Variants in NEK10 observed in about 807,000 individuals in gnomAD.
The protein encoded by NEK10 is serine/threonine-protein kinase Nek10.
NEK10 carries 122 observed loss-of-function variants against 159.8 expected under a neutral mutation model. The observed-to-expected ratio is 0.76, with a 90% CI of 0.66 to 0.89. NEK10 has a LOEUF of 0.89. Ranked by LOEUF, NEK10 falls within the 40% of genes least tolerant of loss-of-function variation. The probability of loss-of-function intolerance (pLI) is 0.00; values close to 1 mark genes in which losing one functional copy is unlikely to be tolerated. For synonymous variants in NEK10, 466 were observed against 457.1 expected, an observed-to-expected ratio of 1.02 and a Z score of -0.25; for missense variants, 1,342 against 1,323.1, an observed-to-expected ratio of 1.01 and a Z score of -0.22.
intron 6 of NEK10, among the ~76,000 whole-genome samples, chr3:27,319,808 T>C (rs2045486535): frequency 6.6e-6 from 1 of 152,180 alleles, no homozygotes; most frequent in South Asian, 2.1e-4. Flanking sequence ...TGGGATGGCC[T>C]TGGGCTTTCC....
chr3:27,263,056 G>C (rs2040555047), intron 22 of NEK10, among the ~76,000 whole-genome samples: 1 of 152,242 alleles, frequency 6.6e-6, no homozygotes, highest in African/African-American at 2.4e-5. Flanking sequence ...TCAGCTGCAG[G>C]TCTGTTGGAG....
intron 25 of NEK10, 36 bp from the exon 26 acceptor site, chr3:27,192,278 A>C (rs1215157605): frequency 2.6e-6 from 4 of 1,520,184 alleles, no homozygotes; most frequent in Non-Finnish European, 3.6e-6. Context: ...CACTCTGGTC[A>C]ATGTTGGGAG....
At position 27,131,863 on chromosome 3, in the gene NEK10, T is replaced by C. The variant is rs1316036210; in HGVS notation, c.3081+17A>G. On this transcript the variant is annotated intron_variant, in intron 32 of 35. Coordinates refer to ENST00000691995, the MANE Select transcript of NEK10 (RefSeq NM_001394966.1). ...GGTTTTGTCAGCAAAAGAATTCCTA[T>C]ATATAGAATACCATACCTTTTTAAT... 6.5e-6 allele frequency: 9 copies of C among 1,377,556 alleles called. No homozygotes were observed. Among genetic ancestry groups the C allele is most frequent in the East Asian group, 2.3e-5 (1 of 43,600 alleles). The allele number at this position is 1,377,556 out of a possible 1,614,324, so 85.3% of individuals were successfully genotyped here. A position where few individuals can be genotyped will look rare whatever the true frequency, so the allele number is the denominator to read the frequency against.
chr3:27,346,307 G>A, intron 3 of NEK10, 91 bp from the exon 4 acceptor site: 9 of 1,372,586 alleles, frequency 6.6e-6, no homozygotes, highest in Non-Finnish European at 9.2e-6. Flanking sequence ...AAGAGACTGA[G>A]ATTTTTTCCA....
At chr3:27,177,418 G>A (rs11129267) in intron 26 of NEK10, among the ~76,000 whole-genome samples, 39,311 of 151,568 alleles carry the variant, frequency 0.26, 5,272 homozygotes, top group Middle Eastern at 0.38. Context: ...GGTGGTGGGC[G>A]CCTGTAGTCC....
intron 30 of NEK10, chr3:27,162,349 G>T (rs945146507): frequency 6.7e-7 from 1 of 1,481,550 alleles, no homozygotes; most frequent in South Asian, 1.4e-5. Context: ...AGAATTCTCC[G>T]CTCTTTGTAT....
At chr3:27,266,367 T>C (rs752371549) in intron 22 of NEK10, among the ~76,000 whole-genome samples, 1 of 152,082 alleles carries the variant, frequency 6.6e-6, no homozygotes, top group African/African-American at 2.4e-5. Context: ...TAAGATACAA[T>C]ATGTAGGTTG....
chr3:27,152,408 A>G (rs1944972179), intron 30 of NEK10, among the ~76,000 whole-genome samples: 1 of 152,208 alleles, frequency 6.6e-6, no homozygotes. Context: ...TCATATATGA[A>G]GGAAAGATAC....
chr3:27,291,836 G>T (rs1575611690), intron 16 of NEK10, among the ~76,000 whole-genome samples: 2 of 152,006 alleles, frequency 1.3e-5, no homozygotes, highest in East Asian at 3.9e-4. Context: ...TAGAGACGGG[G>T]TTTCACCATG....
At chr3:27,269,242 A>T (rs1294287241) in intron 22 of NEK10, among the ~76,000 whole-genome samples, 2 of 152,244 alleles carry the variant, frequency 1.3e-5, no homozygotes, top group African/African-American at 4.8e-5. Flanking sequence ...ATTGACATGG[A>T]GGCAGCAGGG....
chr3:27,236,962 T>A (rs751719981), intron 23 of NEK10, among the ~76,000 whole-genome samples: 1 of 152,076 alleles, frequency 6.6e-6, no homozygotes, highest in Middle Eastern at 3.2e-3. Context: ...CATATTTCTG[T>A]CCTTATCTCA....
At chr3:27,364,487 C>T (rs1025218897) in intron 1 of NEK10, among the ~76,000 whole-genome samples, 6 of 151,866 alleles carry the variant, frequency 4.0e-5, no homozygotes, top group Admixed American at 6.6e-5. Context: ...CTTGGCCTCC[C>T]GAAGTGCTGG....
chr3:27,332,159 T>C (rs575720454), intron 5 of NEK10, among the ~76,000 whole-genome samples: 27 of 152,256 alleles, frequency 1.8e-4, no homozygotes, highest in South Asian at 1.2e-3. Context: ...GGAGGAAAGA[T>C]TGAAACAACA....
intron 23 of NEK10, among the ~76,000 whole-genome samples, chr3:27,226,533 G>A (rs62256309): frequency 0.23 from 34,749 of 152,064 alleles, 4,295 homozygotes; most frequent in Middle Eastern, 0.38. Flanking sequence ...CAGATGCCCT[G>A]GGCAAAGTGG....
At chr3:27,285,206 A>G (rs2042488960) in intron 20 of NEK10, among the ~76,000 whole-genome samples, 1 of 152,146 alleles carries the variant, frequency 6.6e-6, no homozygotes, top group South Asian at 2.1e-4. Flanking sequence ...GCATAAGTTT[A>G]CACTGGCAAA....
At chr3:27,342,575 G>A (rs1349674195) in intron 5 of NEK10, among the ~76,000 whole-genome samples, 1 of 152,158 alleles carries the variant, frequency 6.6e-6, no homozygotes, top group Non-Finnish European at 1.5e-5. Flanking sequence ...TACTGCTCAT[G>A]TTACAAGCCA....
chr3:27,339,798 C>T (rs1046074227), intron 5 of NEK10, among the ~76,000 whole-genome samples: 1 of 144,100 alleles, frequency 6.9e-6, no homozygotes, highest in Non-Finnish European at 1.5e-5. Flanking sequence ...AAAAAAAAAC[C>T]CACAATGAGA....
At chr3:27,167,676 T>C (rs1946608783) in intron 29 of NEK10, among the ~76,000 whole-genome samples, 1 of 152,170 alleles carries the variant, frequency 6.6e-6, no homozygotes, top group Non-Finnish European at 1.5e-5. Flanking sequence ...CAAATAGTAA[T>C]AGATATAAAA....
At chr3:27,340,274 G>C (rs145974617) in intron 5 of NEK10, among the ~76,000 whole-genome samples, 6 of 152,130 alleles carry the variant, frequency 3.9e-5, no homozygotes, top group African/African-American at 1.4e-4. Flanking sequence ...ACCAAACACC[G>C]CATGTTCTCA....
Sources: gnomAD v4.1 joint callset for allele counts (sites outside exome capture counted in the v4.1 genomes callset) on GRCh38, gnomAD v4.1.1 for gene constraint, MANE v1.5 for transcripts, NCBI Gene and HGNC (gene_info 2026-07-23, HGNC 2026-07-21) for gene names.